The following TYW1B variants were observed in gnomAD, a reference collection of about 807,000 sequenced individuals.
The protein encoded by TYW1B is tRNA-yW synthesizing protein 1 homolog B, also known as S-adenosyl-L-methionine-dependent tRNA 4-demethylwyosine synthase TYW1B.
In TYW1B, 73 loss-of-function variants were observed where a neutral mutation model predicts 86.9. The ratio of observed to expected loss-of-function variants is 0.84; its 90% CI spans 0.70 to 1.02. The LOEUF is 1.02. TYW1B is among the 50% of genes least tolerant of loss of function. The pLI is 0.00. For missense variants in TYW1B, 637 were observed against 827.4 expected, an observed-to-expected ratio of 0.77 and a Z score of 2.82; for synonymous variants, 248 against 292.8, an observed-to-expected ratio of 0.85 and a Z score of 1.56.
At chr7:72,604,539 T>C (rs1421030663) in intron 13 of TYW1B, among the ~76,000 whole-genome samples, 4 of 152,156 alleles carry the variant, frequency 2.6e-5, no homozygotes, top group African/African-American at 7.2e-5. Context: ...CCGCAAGCCA[T>C]ATATATCACT....
At chr7:72,707,414 G>C (rs1814639315) in intron 10 of TYW1B, among the ~76,000 whole-genome samples, 1 of 152,188 alleles carries the variant, frequency 6.6e-6, no homozygotes, top group Non-Finnish European at 1.5e-5. Flanking sequence ...GAAGAATTAT[G>C]AGCTAAATAA....
rs369540023 is a variant in TYW1B, at chr7:72,728,936, G to A, written c.1083-5C>T. 2.5e-6 allele frequency: 4 copies of A among 1,612,732 alleles called. No individual in the cohort carries two copies. Among genetic ancestry groups the A allele is most frequent in the Non-Finnish European group, 3.4e-6 (4 of 1,179,034 alleles). ...CCCACAGGGTTGTTGTGGTGCCTAG[G>A]AACAAGACGCAAAGTTCTAAAAGAC... On this transcript the variant is annotated splice_region_variant and splice_polypyrimidine_tract_variant and intron_variant, in intron 8 of 13. Coordinates refer to ENST00000620995, the MANE Select transcript of TYW1B (RefSeq NM_001145440.3).
At chr7:72,632,604 G>A (rs1490320655) in intron 11 of TYW1B, among the ~76,000 whole-genome samples, 5 of 144,468 alleles carry the variant, frequency 3.5e-5, no homozygotes, top group African/African-American at 1.0e-4. Flanking sequence ...TCTACATGGA[G>A]AGCCATGATG....
chr7:72,641,412 A>G (rs1812797145), intron 11 of TYW1B, among the ~76,000 whole-genome samples: 1 of 152,208 alleles, frequency 6.6e-6, no homozygotes, highest in African/African-American at 2.4e-5. Flanking sequence ...AACAAACCAG[A>G]AAAAGACATC....
At chr7:72,577,271 A>AT (rs1811045032) in intron 13 of TYW1B, among the ~76,000 whole-genome samples, 1 of 152,064 alleles carries the variant, frequency 6.6e-6, no homozygotes, top group Non-Finnish European at 1.5e-5. Flanking sequence ...ATGACATCTG[A>AT]TTTTTTACCC....
intron 11 of TYW1B, among the ~76,000 whole-genome samples, chr7:72,672,390 G>T (rs1413553954): frequency 2.0e-5 from 3 of 151,210 alleles, no homozygotes; most frequent in Non-Finnish European, 2.9e-5. Flanking sequence ...CACAAAAAAA[G>T]ATAATTTTAA....
chr7:72,779,642 G>A (rs1265413441), intron 6 of TYW1B, among the ~76,000 whole-genome samples: 1 of 150,116 alleles, frequency 6.7e-6, no homozygotes, highest in Non-Finnish European at 1.5e-5. Flanking sequence ...GCTTGAACCC[G>A]GGAGGCGGAG....
intron 6 of TYW1B, among the ~76,000 whole-genome samples, chr7:72,792,308 C>G (rs1280293941): frequency 6.7e-6 from 1 of 149,232 alleles, no homozygotes; most frequent in Non-Finnish European, 1.5e-5. Flanking sequence ...GCCTGGGCAA[C>G]AGAGCAAGAC....
intron 11 of TYW1B, among the ~76,000 whole-genome samples, chr7:72,657,923 C>T (rs1328180111): frequency 6.6e-6 from 1 of 152,162 alleles, no homozygotes; most frequent in Non-Finnish European, 1.5e-5. Flanking sequence ...GTATGCTCAA[C>T]TGTTTATAAT....
At chr7:72,767,402 C>T (rs1350706619) in intron 7 of TYW1B, among the ~76,000 whole-genome samples, 3 of 151,794 alleles carry the variant, frequency 2.0e-5, no homozygotes, top group African/African-American at 4.8e-5. Context: ...GTCAGGAGAT[C>T]GAGACCATCC....
intron 7 of TYW1B, among the ~76,000 whole-genome samples, chr7:72,767,879 A>C (rs1585968945): frequency 6.6e-6 from 1 of 152,170 alleles, no homozygotes; most frequent in African/African-American, 2.4e-5. Flanking sequence ...CAGAGGTGGG[A>C]TAAATCTTAA....
chr7:72,598,064 C>A (rs1385719731), intron 13 of TYW1B, among the ~76,000 whole-genome samples: 1 of 152,144 alleles, frequency 6.6e-6, no homozygotes, highest in African/African-American at 2.4e-5. Context: ...AGTATTAATC[C>A]TGGGTGTTTC....
At chr7:72,781,921 A>G (rs1392321460) in intron 6 of TYW1B, among the ~76,000 whole-genome samples, 2 of 152,256 alleles carry the variant, frequency 1.3e-5, no homozygotes, top group Non-Finnish European at 2.9e-5. Flanking sequence ...ACAGGACTAC[A>G]TGAATCTTAT....
intron 12 of TYW1B, 134 bp downstream of exon 12, chr7:72,628,753 G>A (rs1450202621): frequency 2.7e-5 from 18 of 655,926 alleles, no homozygotes; most frequent in East Asian, 5.6e-5. Context: ...GATGAATATC[G>A]ATCACGAAAT....
At chr7:72,593,119 C>CCAGCCTGACCAACT (rs1811435794) in intron 13 of TYW1B, among the ~76,000 whole-genome samples, 4 of 112,624 alleles carry the variant, frequency 3.6e-5, no homozygotes, top group African/African-American at 1.2e-4. Flanking sequence ...CCTGACCAAC[C>CCAGCCTGACCAACT]CCATCTCTAC....
chr7:72,737,745 T>G (rs1787222136), intron 8 of TYW1B, among the ~76,000 whole-genome samples: 2 of 151,960 alleles, frequency 1.3e-5, no homozygotes. Flanking sequence ...TGTAAGCACA[T>G]ACTCTATTCC....
At chr7:72,822,356 A>G (rs372049267) in intron 2 of TYW1B, among the ~76,000 whole-genome samples, 2 of 152,152 alleles carry the variant, frequency 1.3e-5, no homozygotes, top group East Asian at 3.9e-4. Context: ...ACTAATGCAC[A>G]CAAATCGTCA....
chr7:72,798,704 A>C (rs1788352616), intron 6 of TYW1B, among the ~76,000 whole-genome samples: 1 of 152,166 alleles, frequency 6.6e-6, no homozygotes, highest in Non-Finnish European at 1.5e-5. Context: ...AAGCCCTTCC[A>C]TACAGGCTAG....
At chr7:72,601,683 TA>T (rs1222810092) in intron 13 of TYW1B, among the ~76,000 whole-genome samples, 669 of 38,222 alleles carry the variant, frequency 0.018, 5 homozygotes, top group Middle Eastern at 0.037. Context: ...TATTTGCCAA[TA>T]AAAAAAAAAA....
Sources: gnomAD v4.1 joint callset for allele counts (sites outside exome capture counted in the v4.1 genomes callset) on GRCh38, gnomAD v4.1.1 for gene constraint, MANE v1.5 for transcripts, NCBI Gene and HGNC (gene_info 2026-07-23, HGNC 2026-07-21) for gene names.